The following TAB3 variants were observed in gnomAD, a reference collection of about 807,000 sequenced individuals.
The protein encoded by TAB3 is TGF-beta activated kinase 1 (MAP3K7) binding protein 3.
Under a neutral mutation model 48.1 loss-of-function variants are expected in TAB3, and 18 were observed. The ratio of observed to expected loss-of-function variants is 0.37; its 90% CI spans 0.26 to 0.55. The LOEUF (loss-of-function observed/expected upper bound fraction) is 0.55, where lower values mean the gene tolerates loss of function less well. Among genes scored for constraint, TAB3 ranks in the 20% least tolerant of loss-of-function variants. TAB3 has a pLI of 0.78. For missense variants in TAB3, 414 were observed against 549.8 expected (o/e 0.75, Z 2.47); for synonymous variants, 185 against 190.2 (o/e 0.97, Z 0.22).
intron 1 of TAB3, among the ~76,000 whole-genome samples, chrX:30,872,435 G>A (rs1485367170): frequency 2.7e-5 from 3 of 111,470 alleles, no homozygotes; most frequent in Non-Finnish European, 5.6e-5. Flanking sequence ...GTTCGCTCAG[G>A]ATTGGAAGAC....
chrX:30,870,977 G>A (rs893097880), intron 2 of TAB3, among the ~76,000 whole-genome samples: 2 of 112,522 alleles, frequency 1.8e-5, no homozygotes, highest in Non-Finnish European at 3.8e-5. Flanking sequence ...ATTATTAAAC[G>A]GGTGTCACAA....
intron 2 of TAB3, among the ~76,000 whole-genome samples, chrX:30,868,368 T>TATA (rs755452674): frequency 0.54 from 2,650 of 4,934 alleles, 1,037 homozygotes; most frequent in Admixed American, 0.68. Flanking sequence ...TATATATATA[T>TATA]AGCTTATATA....
At position 30,829,527 on chromosome X, in the gene TAB3, C is replaced by G. The variant is rs1048350750; in HGVS notation, c.*1900G>C. The G allele has an allele frequency of 2.5e-4, 28 of 111,864 alleles. 1 individual carries two copies. Among genetic ancestry groups the G allele is most frequent in the East Asian group, 2.2e-3 (8 of 3,565 alleles). 9.2% of individuals were successfully genotyped at this position (111,864 alleles called of 1,213,427 possible). ...GAGACAGAGACCAGTGTTACAAAAA[C>G]CTTTGAAGAACGTTGTTTTGGGGAC... is the stretch of plus-strand genomic sequence containing the variant. On this transcript the variant is annotated 3_prime_UTR_variant, in exon 11 of 11. Transcript: ENST00000288422.
chrX:30,854,321 T>A lies in TAB3; in HGVS notation c.1344A>T (p.Ile448=), dbSNP rs1938979966. 1 of 1,209,708 alleles carries A rather than the reference T, an allele frequency of 8.3e-7. No individual in the cohort carries two copies. Among genetic ancestry groups the A allele is most frequent in the African/African-American group, 1.8e-5 (1 of 57,036 alleles). Residue 448 remains isoleucine (I), a synonymous_variant, in exon 6 of 11, where the codon ATA becomes ATT. Coordinates refer to ENST00000288422, the MANE Select transcript of TAB3 (RefSeq NM_152787.5). ...TTTTAAAAACTGTAGTTGGGTTTGG[T>A]ATCACTCGAGGAGATGGTGATGGAG... The part of the protein sequence containing the change: ...SCTPSPSPRV[I]PNPTTVFKIT...
At chrX:30,878,513 A>AT (rs1569227442) in intron 1 of TAB3, among the ~76,000 whole-genome samples, 3 of 86,661 alleles carry the variant, frequency 3.5e-5, no homozygotes, top group Admixed American at 2.9e-4. Context: ...AAAAAAAAAA[A>AT]AAAAAAGAAA....
intron 5 of TAB3, among the ~76,000 whole-genome samples, chrX:30,857,971 A>G (rs985436669): frequency 1.8e-5 from 2 of 111,709 alleles, no homozygotes; most frequent in African/African-American, 6.5e-5. Flanking sequence ...CCCCAGAGTG[A>G]GGCTCTAAGG....
chrX:30,857,013 A>G (rs1167201768), intron 5 of TAB3, among the ~76,000 whole-genome samples: 1 of 111,927 alleles, frequency 8.9e-6, no homozygotes, highest in Non-Finnish European at 1.9e-5. Flanking sequence ...AATCTTTACA[A>G]AATGAATTCT....
chrX:30,875,431 G>A (rs1010442951), intron 1 of TAB3, among the ~76,000 whole-genome samples: 2 of 110,867 alleles, frequency 1.8e-5, no homozygotes, highest in Admixed American at 1.9e-4. Flanking sequence ...GGTTGTTTGA[G>A]GGTTCTCATA....
chrX:30,878,972 T>C (rs1307547889), intron 1 of TAB3, among the ~76,000 whole-genome samples: 2 of 111,573 alleles, frequency 1.8e-5, no homozygotes, highest in East Asian at 5.5e-4. Context: ...ATGAAATGTA[T>C]AGCTTTAAAT....
rs1938618991 is a variant in TAB3 at position 30,846,229 on chromosome X, A to G, written c.1804+322T>C. ...TACAGATATTTTAGATGTCTATCAC[A>G]TAATATGAACTCTACTAAGTTTTAG... On this transcript the variant is annotated intron_variant, in intron 8 of 10. Coordinates refer to ENST00000288422, the MANE Select transcript of TAB3 (RefSeq NM_152787.5). The G allele has an allele frequency of 2.3e-5, 8 of 348,717 alleles. No homozygotes were observed. In the Middle Eastern group the frequency reaches 3.4e-3, roughly 148 times the overall value. The allele number at this position is 348,717 out of a possible 1,213,427, so 28.7% of individuals were successfully genotyped here.
chrX:30,835,997 A>G (rs1040090397), intron 9 of TAB3: 5 of 112,192 alleles, frequency 4.5e-5, no homozygotes, highest in African/African-American at 1.6e-4. Context: ...TCTGTGCTAA[A>G]CTATATGTAC....
intron 5 of TAB3, among the ~76,000 whole-genome samples, 185 bp downstream of exon 5, chrX:30,859,302 A>C (rs1939173733): frequency 9.2e-6 from 1 of 108,963 alleles, no homozygotes; most frequent in African/African-American, 3.4e-5. Context: ...CGACTCCCAC[A>C]ACAGAGAATT....
intron 8 of TAB3, 33 bp from the exon 9 acceptor site, chrX:30,843,082 G>T: frequency 1.2e-6 from 1 of 850,125 alleles, no homozygotes; most frequent in Non-Finnish European, 1.7e-6. Flanking sequence ...AGGCATTTAA[G>T]AACTCTTTTT....
intron 9 of TAB3, among the ~76,000 whole-genome samples, chrX:30,839,943 T>TAA (rs1938378721): frequency 1.1e-5 from 1 of 94,931 alleles, no homozygotes; most frequent in Non-Finnish European, 2.1e-5. Flanking sequence ...TATATATATA[T>TAA]AATATATATT....
chrX:30,846,091 A>G, intron 8 of TAB3: 2 of 953,576 alleles, frequency 2.1e-6, no homozygotes, highest in Non-Finnish European at 2.7e-6. Flanking sequence ...AATCCAAAAA[A>G]CTAAAACTAT....
At position 30,854,105 on chromosome X, in the gene TAB3, T is replaced by A. The variant is rs1938966360; in HGVS notation, c.1549+11A>T. On this transcript the variant is annotated intron_variant, in intron 6 of 10. Transcript: ENST00000288422. ...ACAGAAATTAAATTTCATAAAAGGG[T>A]TAAAATTTACCTTGTGTGTAGGCAT... The A allele has an allele frequency of 8.6e-7, 1 of 1,166,773 alleles. No homozygotes were observed. Among genetic ancestry groups the A allele is most frequent in the Admixed American group, 2.8e-5 (1 of 35,507 alleles).
At chrX:30,859,882 G>A (rs1447387800) in intron 4 of TAB3, among the ~76,000 whole-genome samples, 1 of 107,096 alleles carries the variant, frequency 9.3e-6, no homozygotes, top group African/African-American at 3.4e-5. Flanking sequence ...CACTAAACAC[G>A]CTATACTGAA....
chrX:30,886,106 T>G (rs754581256), intron 1 of TAB3, among the ~76,000 whole-genome samples: 3 of 112,418 alleles, frequency 2.7e-5, no homozygotes, highest in Admixed American at 9.4e-5. Context: ...TAGGATTAAT[T>G]CAGTTTGATA....
chrX:30,869,337 G>A (rs1939601511), intron 2 of TAB3, among the ~76,000 whole-genome samples: 1 of 111,758 alleles, frequency 8.9e-6, no homozygotes, highest in African/African-American at 3.3e-5. Flanking sequence ...TGGGATTACA[G>A]GTGTGAGCCA....
Sources: allele counts gnomAD v4.1 joint callset (sites outside exome capture counted in the v4.1 genomes callset), GRCh38; gene constraint gnomAD v4.1.1; transcripts MANE v1.5; gene names NCBI Gene and HGNC (gene_info 2026-07-23, HGNC 2026-07-21).